Variants in CPVL observed in about 807,000 individuals in gnomAD.
CPVL encodes the protein probable serine carboxypeptidase CPVL.
In CPVL, 51 loss-of-function variants were observed where a neutral mutation model predicts 63.7. The ratio of observed to expected loss-of-function variants is 0.80; its 90% CI spans 0.64 to 1.01. The LOEUF is 1.01. Ranked by LOEUF, CPVL falls within the 50% of genes least tolerant of loss-of-function variation. CPVL has a pLI of 0.00. For missense variants in CPVL, 530 were observed against 573.1 expected (o/e 0.92, Z 0.77); for synonymous variants, 195 against 206.0 (o/e 0.95, Z 0.46).
In CPVL at chr7:29,100,250, T is replaced by C. The variant is rs1414337764; in HGVS notation, c.289-4033A>G. 2.0e-5 allele frequency among the ~76,000 whole-genome samples: 3 copies of C among 152,252 alleles called. No homozygotes were observed. The East Asian group carries it at 5.8e-4, about 29-fold the overall frequency. ...CTTCCTTCCTAAACTACATGTGAAC[T>C]CCCAGAAGCTGCAATGTGCTCATTA... On this transcript the variant is annotated intron_variant, in intron 3 of 12. Coordinates refer to ENST00000265394, the MANE Select transcript of CPVL (RefSeq NM_031311.5).
chr7:29,111,456 G>T lies in CPVL; in HGVS notation c.288+1248C>A, dbSNP rs147807263. On this transcript the variant is annotated intron_variant, in intron 3 of 12. Transcript: ENST00000265394. ...CTTGCACTTGTATGACCCTCAGGGTGAGTGTCTCCTTGCATTGCAAGCTCT... is the reference window on the plus strand; with the variant it reads ...CTTGCACTTGTATGACCCTCAGGGTTAGTGTCTCCTTGCATTGCAAGCTCT... 1.6e-4 allele frequency among the ~76,000 whole-genome samples: 25 copies of T among 152,294 alleles called. 1 individual carries two copies. The highest frequency in any genetic ancestry group is 3.2e-4 in the Non-Finnish European group (22 of 68,028).
intron 7 of CPVL, among the ~76,000 whole-genome samples, chr7:29,084,665 G>GA (rs1554336949): frequency 6.6e-6 from 1 of 152,070 alleles, no homozygotes; most frequent in Non-Finnish European, 1.5e-5. Context: ...TAAAAAGGAT[G>GA]AAAAAAGCAA....
At chr7:29,101,331 T>C (rs1787096273) in intron 3 of CPVL, among the ~76,000 whole-genome samples, 1 of 152,242 alleles carries the variant, frequency 6.6e-6, no homozygotes, top group Non-Finnish European at 1.5e-5. Flanking sequence ...CTGGGCGCGG[T>C]GGCTCATGCC....
At chr7:29,044,815 A>C (rs1298103713) in intron 11 of CPVL, among the ~76,000 whole-genome samples, 2 of 152,096 alleles carry the variant, frequency 1.3e-5, no homozygotes, top group Admixed American at 1.3e-4. Context: ...TACATTTCTT[A>C]GCTTACTGGG....
chr7:29,044,276 G>A (rs1789404097), intron 11 of CPVL, among the ~76,000 whole-genome samples: 1 of 152,070 alleles, frequency 6.6e-6, no homozygotes, highest in Non-Finnish European at 1.5e-5. Flanking sequence ...AATTAACCAG[G>A]TATGGTGGCA....
chr7:29,090,580 A>C (rs1369425676), intron 6 of CPVL, among the ~76,000 whole-genome samples: 1 of 152,202 alleles, frequency 6.6e-6, no homozygotes, highest in Non-Finnish European at 1.5e-5. Context: ...ACTGCTTACT[A>C]CTGTCTCACC....
At chr7:29,051,436 G>A (rs1790146102) in intron 11 of CPVL, among the ~76,000 whole-genome samples, 1 of 152,042 alleles carries the variant, frequency 6.6e-6, no homozygotes, top group African/African-American at 2.4e-5. Context: ...GTGGGCTAAG[G>A]ACATGAATAG....
Position 29,121,113 on chromosome 7 carries a change from A to C in CPVL, c.-10-42T>G, listed in dbSNP as rs778219541. 12 of 1,505,064 alleles carry C rather than the reference A, an allele frequency of 8.0e-6. No homozygotes were observed. In the East Asian group the frequency reaches 2.9e-4, roughly 36 times the overall value. 93.2% of individuals were successfully genotyped at this position (1,505,064 alleles called of 1,614,324 possible). Reference sequence around the variant, plus strand: ...ATTCCAAAAATGAATCATAAGAGTAAATATTTACCTGGCCCTTTTACATGC... The same window carrying C: ...ATTCCAAAAATGAATCATAAGAGTACATATTTACCTGGCCCTTTTACATGC... On this transcript the variant is annotated intron_variant, in intron 1 of 12. Coordinates refer to ENST00000265394, the MANE Select transcript of CPVL (RefSeq NM_031311.5).
intron 5 of CPVL, among the ~76,000 whole-genome samples, chr7:29,180,092 A>C (rs1797868080): frequency 6.6e-6 from 1 of 152,236 alleles, no homozygotes; most frequent in African/African-American, 2.4e-5. Context: ...TTATGCTTAC[A>C]TGTGTTTCAT....
intron 3 of CPVL, among the ~76,000 whole-genome samples, chr7:29,185,048 C>T (rs1316705373): frequency 1.3e-5 from 2 of 152,166 alleles, no homozygotes; most frequent in African/African-American, 2.4e-5. Context: ...GTTTTATTTT[C>T]ATATATTCAG....
chr7:29,183,081 CTTT>C (rs34942216), intron 4 of CPVL, among the ~76,000 whole-genome samples: 52,780 of 131,714 alleles, frequency 0.4, 9,125 homozygotes, highest in East Asian at 0.72. Flanking sequence ...ACATGGCAGA[CTTT>C]TTTTTTTTTT....
intron 11 of CPVL, among the ~76,000 whole-genome samples, chr7:29,058,223 T>C (rs1222433153): frequency 2.0e-5 from 3 of 152,182 alleles, no homozygotes; most frequent in Non-Finnish European, 4.4e-5. Context: ...TTTCCTAATA[T>C]AGATCTTATA....
chr7:29,140,288 A>C (rs1239095763), intron 1 of CPVL, among the ~76,000 whole-genome samples: 1 of 152,122 alleles, frequency 6.6e-6, no homozygotes, highest in Non-Finnish European at 1.5e-5. Flanking sequence ...CAAACAAACA[A>C]ACAAACAGGC....
intron 12 of CPVL, among the ~76,000 whole-genome samples, chr7:29,023,215 C>A (rs1206641347): frequency 6.6e-6 from 1 of 152,198 alleles, no homozygotes; most frequent in Non-Finnish European, 1.5e-5. Flanking sequence ...AAAGACATAC[C>A]TGAGACTGGG....
At chr7:29,038,263 G>C (rs538613946) in intron 11 of CPVL, among the ~76,000 whole-genome samples, 16 of 152,210 alleles carry the variant, frequency 1.1e-4, no homozygotes, top group African/African-American at 3.9e-4. Context: ...GGGTGATTAG[G>C]GGATAAGAGC....
At position 29,064,231 on chromosome 7, in the gene CPVL, G is replaced by C. The variant is rs1200521846; in HGVS notation, c.967C>G (p.Pro323Ala). The change falls in exon 11 of 13, where the codon CCT (proline) becomes GCT (alanine). Residue 323 changes from proline to alanine, a missense_variant. Transcript: ENST00000265394. Reference protein sequence around the residue: ...NYYNFLRCTEPEDQLYYVKFL... With the variant: ...NYYNFLRCTEAEDQLYYVKFL... ...TTCACATAGTAAAGCTGATCCTCAGGTTCCTGGCAGAAGGGGCATTGGAAA... is the reference window on the plus strand; with the variant it reads ...TTCACATAGTAAAGCTGATCCTCAGCTTCCTGGCAGAAGGGGCATTGGAAA... The C allele has an allele frequency of 6.2e-7, 1 of 1,608,756 alleles. No homozygotes were observed. The highest frequency in any genetic ancestry group is 1.7e-5 in the Admixed American group (1 of 59,662).
chr7:29,079,556 A>C (rs145862366), intron 7 of CPVL, among the ~76,000 whole-genome samples: 1 of 152,382 alleles, frequency 6.6e-6, no homozygotes, highest in African/African-American at 2.4e-5. Context: ...AACAGTGCTT[A>C]GCATGATGTC....
In CPVL at chr7:29,157,040, C is replaced by G. The variant is rs1794473870; in HGVS notation, c.-11+24250G>C. Among the ~76,000 whole-genome samples, 2 of 152,180 alleles carry G rather than the reference C, an allele frequency of 1.3e-5. 1 individual carries two copies. Among genetic ancestry groups the G allele is most frequent in the South Asian group, 4.1e-4 (2 of 4,832 alleles). The stretch of plus-strand genomic sequence containing the variant: ...TGATGTCAGCAGGAAGTAATCTCGT[C>G]TGTGGAAAGGAAGCCAGCCTCCTAG... On this transcript the variant is annotated intron_variant, in intron 5 of 16. Transcript: ENST00000409850.
At chr7:29,123,134 G>A (rs1789543528) in intron 1 of CPVL, among the ~76,000 whole-genome samples, 1 of 152,060 alleles carries the variant, frequency 6.6e-6, no homozygotes, top group Non-Finnish European at 1.5e-5. Flanking sequence ...CAAGCCATTA[G>A]AACATCTTAA....
Sources: allele counts gnomAD v4.1 joint callset (sites outside exome capture counted in the v4.1 genomes callset), GRCh38; gene constraint gnomAD v4.1.1; transcripts MANE v1.5; gene names NCBI Gene and HGNC (gene_info 2026-07-23, HGNC 2026-07-21).